SPMIP8: variants seen among roughly 807,000 people sequenced by gnomAD.
SPMIP8 encodes sperm microtubule inner protein 8.
the SPMIP8 span, chr16:57,984,652 G>A: frequency 6.3e-7 from 1 of 1,589,620 alleles, no homozygotes; most frequent in Non-Finnish European, 8.6e-7. Context: ...ACCGCCACAG[G>A]CCAGAAGCTT....
Sources: gnomAD v4.1 joint callset for allele counts on GRCh38, gnomAD v4.1.1 for gene constraint, MANE v1.5 for transcripts, NCBI Gene and HGNC (gene_info 2026-07-23, HGNC 2026-07-21) for gene names.